Variants in LAMC2 observed in about 807,000 individuals in gnomAD.
LAMC2 encodes the protein laminin subunit gamma-2.
In LAMC2, 97 loss-of-function variants were observed where a neutral mutation model predicts 140.2. That is an observed-to-expected ratio of 0.69 (90% CI 0.59 to 0.82). LAMC2 has a LOEUF of 0.82. Among genes scored for constraint, LAMC2 ranks in the 40% least tolerant of loss-of-function variants. LAMC2 has a pLI of 0.00. For missense variants in LAMC2, 1,402 were observed against 1,476.1 expected (o/e 0.95, Z 0.82); for synonymous variants, 513 against 540.2 (o/e 0.95, Z 0.70).
chr1:183,207,826 T>C, intron 1 of LAMC2, 55 bp from the exon 2 acceptor site: 3 of 1,350,548 alleles, frequency 2.2e-6, no homozygotes, highest in Non-Finnish European at 3.1e-6. Flanking sequence ...CTAGAACAGT[T>C]CCTGAGGTGT....
intron 1 of LAMC2, among the ~76,000 whole-genome samples, chr1:183,206,351 T>A (rs990145968): frequency 5.3e-5 from 8 of 152,176 alleles, no homozygotes; most frequent in Non-Finnish European, 8.8e-5. Context: ...CCATTAGATG[T>A]ACGTGGTCAC....
intron 2 of LAMC2, among the ~76,000 whole-genome samples, chr1:183,211,054 A>G (rs1659053235): frequency 6.6e-6 from 1 of 152,256 alleles, no homozygotes; most frequent in African/African-American, 2.4e-5. Context: ...AAAAAATGCT[A>G]TCATTACATG....
At chr1:183,199,565 A>G (rs555504138) in intron 1 of LAMC2, among the ~76,000 whole-genome samples, 25 of 151,702 alleles carry the variant, frequency 1.6e-4, no homozygotes, top group African/African-American at 6.1e-4. Context: ...CCATCCATCC[A>G]TCCAAGCACT....
rs962949356 is a variant in LAMC2 at position 183,239,873 on chromosome 1, G to A, written c.3070-167G>A. On this transcript the variant is annotated intron_variant, in intron 20 of 22. Coordinates refer to ENST00000264144, the MANE Select transcript of LAMC2 (RefSeq NM_005562.3). The stretch of plus-strand genomic sequence containing the variant: ...CCCCCAGATTAGCTTGTTTGAGGCA[G>A]AGCTTGGCAAAGTACCCCTGTCCCT... The A allele has an allele frequency of 3.7e-6, 3 of 804,218 alleles. No individual in the cohort carries two copies. The African/African-American group carries it at 5.1e-5, about 14-fold the overall frequency. 49.8% of individuals were successfully genotyped at this position (804,218 alleles called of 1,614,324 possible). A position where few individuals can be genotyped will look rare whatever the true frequency, so the allele number is the denominator to read the frequency against.
intron 4 of LAMC2, among the ~76,000 whole-genome samples, chr1:183,218,734 T>G (rs910466159): frequency 6.6e-6 from 1 of 151,992 alleles, no homozygotes; most frequent in Non-Finnish European, 1.5e-5. Flanking sequence ...TATTTTGACT[T>G]TGGGAGAGGC....
chr1:183,224,115 G>A (rs934099115), intron 7 of LAMC2, among the ~76,000 whole-genome samples: 2 of 152,100 alleles, frequency 1.3e-5, no homozygotes, highest in Non-Finnish European at 2.9e-5. Context: ...GAAAGTGCCC[G>A]ATTCTGCCTG....
rs750213702 is a variant in LAMC2 at position 183,222,066 on chromosome 1, G to A, written c.641-23G>A. On this transcript the variant is annotated intron_variant, in intron 5 of 22. Transcript: ENST00000264144. ...AGATGATGAGGGCTTGTCCAATGCA[G>A]ACTGATTATGTTTGTGTTCCAGATG... 9 of 1,614,112 alleles carry A rather than the reference G, an allele frequency of 5.6e-6. No homozygotes were observed. In the East Asian group the frequency reaches 1.3e-4, roughly 24 times the overall value.
downstream of LAMC2, chr1:183,250,011 G>A (rs1660333427): frequency 6.6e-6 from 1 of 152,118 alleles, no homozygotes; most frequent in Non-Finnish European, 1.5e-5. Context: ...ACCAAATGGG[G>A]CTTGACCAGA....
chr1:183,230,772 T>C (rs542906019), intron 11 of LAMC2, among the ~76,000 whole-genome samples, 189 bp from the exon 12 acceptor site: 74 of 152,316 alleles, frequency 4.9e-4, no homozygotes, highest in Middle Eastern at 6.8e-3. Context: ...GGCTGTAATC[T>C]CCCTGCATCC....
chr1:183,238,374 G>T lies in LAMC2; in HGVS notation c.2822G>T (p.Gly941Val), dbSNP rs779497249. 34 of 1,613,924 alleles carry T rather than the reference G, an allele frequency of 2.1e-5. No homozygotes were observed. The highest frequency in any genetic ancestry group is 2.6e-5 in the Non-Finnish European group (31 of 1,179,930). ...KSRAQEALSMGNATFYEVESI... is the reference protein window; with the variant it reads ...KSRAQEALSMVNATFYEVESI... ...AGAGCACAAGAAGCACTGAGTATGG[G>T]CAATGCCACTTTTTATGAAGTTGAG... Residue 941 changes from glycine (G) to valine (V), a missense_variant, in exon 19 of 23, where the codon GGC (glycine) becomes GTC (valine). Physicochemically the swap from Gly to Val is moderately radical, Grantham distance 109. This residue lies in a region of LAMC2 where 670 missense variants were observed against 667.2 expected (regional missense o/e 1.00). Transcript: ENST00000264144.
rs148925665 is a variant in LAMC2, at chr1:183,237,384, G to A, written c.2634G>A (p.Ala878=). 435 of 1,614,110 alleles carry A rather than the reference G, an allele frequency of 2.7e-4. No homozygotes were observed. Among genetic ancestry groups the A allele is most frequent in the African/African-American group, 2.3e-3 (170 of 75,028 alleles). The change falls in exon 18 of 23, where the codon GCG becomes GCA. Residue 878 remains alanine, a synonymous_variant. Transcript: ENST00000264144. The stretch of plus-strand genomic sequence containing the variant: ...AAGCAAAGAGGATCAAACAAAAAGC[G>A]GATTCACTCTCAAGCCTGGTAACCA... ...VEEAKRIKQK[A]DSLSSLVTRH...
At position 183,192,765 on chromosome 1, in the gene LAMC2, C is replaced by T. The variant is rs541219577; in HGVS notation, c.79+6334C>T. On this transcript the variant is annotated intron_variant, in intron 1 of 22. Coordinates refer to ENST00000264144, the MANE Select transcript of LAMC2 (RefSeq NM_005562.3). ...TCACCCAGGCTGGAGTGCAGTGGCA[C>T]GATCTTGGCTCCCTGCAACCTCCCC... is the stretch of plus-strand genomic sequence containing the variant. Among the ~76,000 whole-genome samples the T allele has an allele frequency of 4.9e-4, 75 of 152,262 alleles. 1 individual carries two copies. The highest frequency in any genetic ancestry group is 3.4e-3 in the Middle Eastern group (1 of 294).
chr1:183,247,234 C>T (rs1049438161), downstream of LAMC2, among the ~76,000 whole-genome samples: 1 of 152,162 alleles, frequency 6.6e-6, no homozygotes, highest in Non-Finnish European at 1.5e-5. Flanking sequence ...ATCACTTGAA[C>T]CCCGGAGGCT....
rs548792776 is a variant in LAMC2, at chr1:183,237,996, G to A, written c.2755-311G>A. Among the ~76,000 whole-genome samples the A allele has an allele frequency of 1.2e-4, 19 of 152,284 alleles. No individual in the cohort carries two copies. In the South Asian group the frequency reaches 2.3e-3, roughly 18 times the overall value. On this transcript the variant is annotated intron_variant, in intron 18 of 22. Coordinates refer to ENST00000264144, the MANE Select transcript of LAMC2 (RefSeq NM_005562.3). Reference sequence around the variant, plus strand: ...CGGTCAGCCCTCAAACCTAGGAATAGGACCTAGGCCTCTTGGGTCTAATTT... The same window carrying A: ...CGGTCAGCCCTCAAACCTAGGAATAAGACCTAGGCCTCTTGGGTCTAATTT...
chr1:183,257,631 C>T, the LAMC2 span, among the ~76,000 whole-genome samples: 1 of 152,138 alleles, frequency 6.6e-6, no homozygotes, highest in South Asian at 2.1e-4. Flanking sequence ...TATCCCTGCC[C>T]TCTAGGTTAC....
intron 2 of LAMC2, 102 bp from the exon 3 acceptor site, chr1:183,215,351 T>A (rs888563018): frequency 7.6e-7 from 1 of 1,320,818 alleles, no homozygotes; most frequent in Non-Finnish European, 1.1e-6. Context: ...GCTTCTTACT[T>A]CGTGTTTACG....
At chr1:183,229,598 C>G (rs549184528) in intron 11 of LAMC2, among the ~76,000 whole-genome samples, 15 of 148,020 alleles carry the variant, frequency 1.0e-4, no homozygotes, top group African/African-American at 3.8e-4. Context: ...GATCATGTCA[C>G]TGCACTCCAG....
downstream of LAMC2, among the ~76,000 whole-genome samples, chr1:183,247,427 T>G (rs975264493): frequency 6.6e-6 from 1 of 151,330 alleles, no homozygotes. Flanking sequence ...AAATAGCAAA[T>G]GTAAACACGA....
chr1:183,207,465 T>C (rs1214803212), intron 1 of LAMC2, among the ~76,000 whole-genome samples: 1 of 152,150 alleles, frequency 6.6e-6, no homozygotes, highest in East Asian at 1.9e-4. Context: ...CTGTGCTGAG[T>C]CCGCAGCTGC....
Sources: allele counts gnomAD v4.1 joint callset (sites outside exome capture counted in the v4.1 genomes callset), GRCh38; gene constraint gnomAD v4.1.1; regional missense constraint gnomAD v4.1.1; transcripts MANE v1.5; gene names NCBI Gene and HGNC (gene_info 2026-07-23, HGNC 2026-07-21).